C12orf56: variants seen among roughly 807,000 people sequenced by gnomAD.
C12orf56 encodes uncharacterized protein C12orf56.
A neutral mutation model predicts 69.9 loss-of-function variants in C12orf56; 71 were observed. That is an observed-to-expected ratio of 1.02 (90% CI 0.84 to 1.24). C12orf56 has a LOEUF of 1.24. C12orf56 is among the 50% of genes most tolerant of loss of function. The pLI is 0.00. For missense variants in C12orf56, 732 were observed against 738.5 expected, an observed-to-expected ratio of 0.99 and a Z score of 0.10; for synonymous variants, 276 against 274.1, an observed-to-expected ratio of 1.01 and a Z score of -0.07.
rs753664992 is a variant in C12orf56, at chr12:64,270,690, T to G, written c.1609A>C (p.Lys537Gln). The change falls in exon 12 of 13, where the codon AAA becomes CAA. Residue 537 changes from lysine (K) to glutamine (Q), a missense_variant. Physicochemically the swap from Lys to Gln is moderately conservative, Grantham distance 53. Transcript: ENST00000543942. Reference protein sequence around the residue: ...PIITFVASIVKQVVRGLSASF... With the variant: ...PIITFVASIVQQVVRGLSASF... Reference sequence around the variant, plus strand: ...GCTGAAAGACCCCTCACCACTTGTTTCACAATACTGGCCACAAAAGTAATC... The same window carrying G: ...GCTGAAAGACCCCTCACCACTTGTTGCACAATACTGGCCACAAAAGTAATC... 1.2e-6 allele frequency: 2 copies of G among 1,611,310 alleles called. No homozygotes were observed. The highest frequency in any genetic ancestry group is 2.2e-5 in the East Asian group (1 of 44,854).
intron 4 of C12orf56, among the ~76,000 whole-genome samples, chr12:64,316,154 G>A (rs972360739): frequency 5.9e-5 from 9 of 151,426 alleles, no homozygotes; most frequent in Admixed American, 5.3e-4. Context: ...ACACAGGCTG[G>A]AGTGCAAGTG....
At chr12:64,358,708 C>T (rs1467910160) in intron 1 of C12orf56, among the ~76,000 whole-genome samples, 1 of 151,732 alleles carries the variant, frequency 6.6e-6, no homozygotes, top group African/African-American at 2.4e-5. Flanking sequence ...GCAGGAGAAT[C>T]ACTTGAACCC....
At chr12:64,387,015 G>T (rs760046715) in intron 1 of C12orf56, among the ~76,000 whole-genome samples, 30 of 131,248 alleles carry the variant, frequency 2.3e-4, no homozygotes, top group Non-Finnish European at 4.3e-4. Context: ...GGAGGCAGAG[G>T]TTCAGCAAGC....
chr12:64,370,608 G>A (rs2135972862), intron 1 of C12orf56, among the ~76,000 whole-genome samples: 1 of 151,656 alleles, frequency 6.6e-6, no homozygotes, highest in African/African-American at 2.4e-5. Context: ...CTGAAATTGT[G>A]CCACTGCATT....
chr12:64,367,321 T>TTATATATTATATATAATATAATA (rs1383485634), intron 1 of C12orf56, among the ~76,000 whole-genome samples: 1 of 137,064 alleles, frequency 7.3e-6, no homozygotes, highest in Non-Finnish European at 1.5e-5. Context: ...AATATATAGC[T>TTATATATTATATATAATATAATA]TATATAATAT....
chr12:64,338,912 A>G, intron 2 of C12orf56: 2 of 545,558 alleles, frequency 3.7e-6, no homozygotes, highest in East Asian at 3.3e-5. Flanking sequence ...CTTTTTGAGA[A>G]CATTTTTATC....
At chr12:64,283,875 G>C (rs2038163935) in intron 8 of C12orf56, among the ~76,000 whole-genome samples, 1 of 150,690 alleles carries the variant, frequency 6.6e-6, no homozygotes, top group African/African-American at 2.4e-5. Flanking sequence ...TTTCAATTAA[G>C]ATCTTCTTTG....
intron 1 of C12orf56, among the ~76,000 whole-genome samples, chr12:64,354,800 C>G (rs1278656275): frequency 1.4e-5 from 2 of 143,080 alleles, no homozygotes; most frequent in African/African-American, 5.0e-5. Context: ...ATGGGGTTGC[C>G]AGGTGCGGTG....
chr12:64,386,823 G>A (rs943797873), intron 1 of C12orf56, among the ~76,000 whole-genome samples: 9 of 145,410 alleles, frequency 6.2e-5, no homozygotes, highest in African/African-American at 1.7e-4. Flanking sequence ...GACCCACTGC[G>A]CCCAGCCATA....
Position 64,266,478 on chromosome 12 carries a change from G to T in C12orf56, c.*705C>A. On this transcript the variant is annotated 3_prime_UTR_variant, in exon 13 of 13. Transcript: ENST00000543942. The stretch of plus-strand genomic sequence containing the variant: ...CTTTGGTGTTCTACCTGGAGGCGTG[G>T]CTGGCGGATGAGATCTTGAGTGAGT... 1 of 265,202 alleles carries T rather than the reference G, an allele frequency of 3.8e-6. No individual in the cohort carries two copies. The allele number at this position is 265,202 out of a possible 1,614,324, so 16.4% of individuals were successfully genotyped here.
At chr12:64,331,794 C>T (rs2136866573) in intron 2 of C12orf56, among the ~76,000 whole-genome samples, 1 of 152,242 alleles carries the variant, frequency 6.6e-6, no homozygotes, top group South Asian at 2.1e-4. Context: ...AAACAAATTT[C>T]TGTTGTTTAT....
intron 1 of C12orf56, among the ~76,000 whole-genome samples, chr12:64,363,057 T>G (rs2039419018): frequency 6.6e-6 from 1 of 152,216 alleles, no homozygotes; most frequent in South Asian, 2.1e-4. Flanking sequence ...GCTGACCTTC[T>G]GTCTCATGCT....
At chr12:64,275,204 A>G (rs2038035344) in intron 10 of C12orf56, 94 bp downstream of exon 10, 1 of 727,194 alleles carries the variant, frequency 1.4e-6, no homozygotes, top group East Asian at 2.8e-5. Flanking sequence ...ATCATATAAC[A>G]TAATCACATA....
At chr12:64,313,936 G>A (rs1279299803) in intron 4 of C12orf56, among the ~76,000 whole-genome samples, 5 of 151,106 alleles carry the variant, frequency 3.3e-5, no homozygotes, top group South Asian at 2.1e-4. Context: ...CCAGCTACTC[G>A]GGAGGCTGAG....
chr12:64,346,862 A>G (rs1055280312), intron 2 of C12orf56, among the ~76,000 whole-genome samples: 25 of 152,196 alleles, frequency 1.6e-4, no homozygotes, highest in African/African-American at 6.0e-4. Context: ...GGAACTAGGC[A>G]CAAGGACCAC....
chr12:64,327,722 C>T (rs920347386), intron 3 of C12orf56, among the ~76,000 whole-genome samples: 14 of 152,168 alleles, frequency 9.2e-5, no homozygotes, highest in Admixed American at 2.6e-4. Context: ...GGTCTCAATG[C>T]GCATTTTAAG....
intron 1 of C12orf56, among the ~76,000 whole-genome samples, chr12:64,354,180 A>G (rs1214530361): frequency 6.6e-6 from 1 of 152,190 alleles, no homozygotes; most frequent in Non-Finnish European, 1.5e-5. Context: ...TATTCTGGAT[A>G]AAAAAGGGAA....
Position 64,390,727 on chromosome 12 carries a change from G to A in C12orf56, c.-162C>T, listed in dbSNP as rs2039859291. 9.3e-7 allele frequency: 1 copy of A among 1,078,116 alleles called. No homozygotes were observed. Among genetic ancestry groups the A allele is most frequent in the Non-Finnish European group, 1.2e-6 (1 of 808,688 alleles). 66.8% of individuals were successfully genotyped at this position (1,078,116 alleles called of 1,614,324 possible). On this transcript the variant is annotated 5_prime_UTR_variant, in exon 1 of 13. Coordinates refer to ENST00000543942, the MANE Select transcript of C12orf56 (RefSeq NM_001170633.2). The stretch of plus-strand genomic sequence containing the variant: ...CCGCAACTGCAGGAATCGACGCTAG[G>A]TCGGCTTCCCTGGAGCGCCCTCCCC...
At chr12:64,359,549 G>A (rs1054197581) in intron 1 of C12orf56, among the ~76,000 whole-genome samples, 4 of 152,092 alleles carry the variant, frequency 2.6e-5, no homozygotes, top group Non-Finnish European at 5.9e-5. Flanking sequence ...GCGTGTTTGT[G>A]AAGCCAGAGA....
Sources: gnomAD v4.1 joint callset for allele counts (sites outside exome capture counted in the v4.1 genomes callset) on GRCh38, gnomAD v4.1.1 for gene constraint, MANE v1.5 for transcripts, NCBI Gene and HGNC (gene_info 2026-07-23, HGNC 2026-07-21) for gene names.